The following RBM27 variants were observed in gnomAD, a reference collection of about 807,000 sequenced individuals.
RBM27 encodes RNA-binding protein 27.
In RBM27, 22 loss-of-function variants were observed where a neutral mutation model predicts 135.3. The ratio of observed to expected loss-of-function variants is 0.16; its 90% CI spans 0.12 to 0.23. The LOEUF is 0.23. Ranked by LOEUF, RBM27 falls within the 10% of genes least tolerant of loss-of-function variation. The probability of loss-of-function intolerance (pLI) is 1.00; values close to 1 mark genes in which losing one functional copy is unlikely to be tolerated. For missense variants in RBM27, 1,009 were observed against 1,281.0 expected (o/e 0.79, Z 3.24); for synonymous variants, 481 against 442.4 (o/e 1.09, Z -1.10).
intron 8 of RBM27, among the ~76,000 whole-genome samples, chr5:146,243,446 ATTAC>A (rs1757493954): frequency 6.6e-6 from 1 of 152,184 alleles, no homozygotes; most frequent in South Asian, 2.1e-4. Context: ...GCTCAAAGGA[ATTAC>A]TTACTCATTG....
rs538828772 is a variant in RBM27, at chr5:146,228,849, G to A, written c.304-97G>A. 10 of 825,864 alleles carry A rather than the reference G, an allele frequency of 1.2e-5. No individual in the cohort carries two copies. In the East Asian group the frequency reaches 2.4e-4, roughly 20 times the overall value. The allele number at this position is 825,864 out of a possible 1,614,324, so 51.2% of individuals were successfully genotyped here. ...GCTGGTCTCAATATCCTGGCCTCAA[G>A]CAGTCTTCCCACCTGGACCTCGTAA... On this transcript the variant is annotated intron_variant, in intron 3 of 20. Transcript: ENST00000265271.
At chr5:146,220,570 G>A (rs1181984264) in intron 2 of RBM27, among the ~76,000 whole-genome samples, 3 of 151,138 alleles carry the variant, frequency 2.0e-5, no homozygotes, top group Non-Finnish European at 4.4e-5. Context: ...AGTTGATTTA[G>A]CTATTGGTGA....
intron 15 of RBM27, 141 bp downstream of exon 15, chr5:146,267,909 T>C: frequency 1.1e-6 from 1 of 943,796 alleles, no homozygotes; most frequent in Non-Finnish European, 1.5e-6. Context: ...TAATGTAAAC[T>C]TGGAAAAAAA....
Position 146,255,219 on chromosome 5 carries a change from G to C in RBM27, c.1594+127G>C, listed in dbSNP as rs553250895. 3.7e-5 allele frequency: 28 copies of C among 752,442 alleles called. No individual in the cohort carries two copies. In the Middle Eastern group the frequency reaches 1.0e-3, roughly 27 times the overall value. 46.6% of individuals were successfully genotyped at this position (752,442 alleles called of 1,614,324 possible). On this transcript the variant is annotated intron_variant, in intron 10 of 20. Coordinates refer to ENST00000265271, the MANE Select transcript of RBM27 (RefSeq NM_018989.2). The stretch of plus-strand genomic sequence containing the variant: ...AAATTACTTATATATTATCTCTTTG[G>C]AGGGTGCTATGTATTAATCTCAGAT...
At position 146,260,757 on chromosome 5, in the gene RBM27, C is replaced by A; in HGVS notation, c.1752C>A (p.Asn584Lys). 6.2e-7 allele frequency: 1 copy of A among 1,604,162 alleles called. No homozygotes were observed. Among genetic ancestry groups the A allele is most frequent in the Non-Finnish European group, 8.5e-7 (1 of 1,176,914 alleles). ...KKPWLGKQGN[N>K]NQNKPGFLRK... Reference sequence around the variant, plus strand: ...ATCTTCCTTTTAGGCAAGGAAATAACAATCAAAATAAACCAGGGTTCTTAC... The same window carrying A: ...ATCTTCCTTTTAGGCAAGGAAATAAAAATCAAAATAAACCAGGGTTCTTAC... Residue 584 changes from asparagine to lysine, a missense_variant, in exon 12 of 21, where the codon AAC becomes AAA. Asn to Lys is a moderately conservative substitution (Grantham distance 94, BLOSUM62 0). Transcript: ENST00000265271.
intron 7 of RBM27, among the ~76,000 whole-genome samples, chr5:146,234,516 A>AC (rs1554079803): frequency 2.0e-4 from 1 of 4,910 alleles, no homozygotes; most frequent in Admixed American, 2.0e-3. Context: ...TGTTTTTGTT[A>AC]TTTAAAAAAA....
intron 1 of RBM27, among the ~76,000 whole-genome samples, chr5:146,212,269 T>G (rs1755995883): frequency 6.6e-6 from 1 of 152,168 alleles, no homozygotes; most frequent in South Asian, 2.1e-4. Flanking sequence ...TTGGCCAGGC[T>G]GGTCTTGAAC....
chr5:146,203,842 G>T lies in RBM27; in HGVS notation c.59+18G>T, dbSNP rs1245388010. On this transcript the variant is annotated intron_variant, in intron 1 of 20. Coordinates refer to ENST00000265271, the MANE Select transcript of RBM27 (RefSeq NM_018989.2). ...GAGCCGATGTGAGTGAGCCGGGCTG[G>T]GCCGGGGCCGGCGAACGTGGGCGTT... is the stretch of plus-strand genomic sequence containing the variant. 1 of 1,545,684 alleles carries T rather than the reference G, an allele frequency of 6.5e-7. No homozygotes were observed. The highest frequency in any genetic ancestry group is 1.4e-5 in the African/African-American group (1 of 72,620).
At chr5:146,257,346 G>T (rs904505307) in intron 10 of RBM27, among the ~76,000 whole-genome samples, 1 of 152,190 alleles carries the variant, frequency 6.6e-6, no homozygotes, top group African/African-American at 2.4e-5. Flanking sequence ...GTTATTTATT[G>T]TAAGGACAGA....
At chr5:146,247,778 A>T (rs1757695856) in intron 8 of RBM27, among the ~76,000 whole-genome samples, 2 of 152,142 alleles carry the variant, frequency 1.3e-5, no homozygotes, top group Admixed American at 6.5e-5. Context: ...AATGCTCATG[A>T]TGTCTGGTTG....
At position 146,249,633 on chromosome 5, in the gene RBM27, G is replaced by A. The variant is rs149083636; in HGVS notation, c.1280-2078G>A. Among the ~76,000 whole-genome samples, 15 of 140,022 alleles carry A rather than the reference G, an allele frequency of 1.1e-4. 1 individual carries two copies. The East Asian group carries it at 2.9e-3, about 27-fold the overall frequency. The allele number at this position is 140,022 out of a possible 152,430, so 91.9% of individuals were successfully genotyped here. On this transcript the variant is annotated intron_variant, in intron 8 of 20. Transcript: ENST00000265271. ...ACCTGGGAGGCAGAGGTCGCCGTGA[G>A]CCCAGATCATGCTACTGCAGCTCCA...
At chr5:146,263,739 T>C in intron 14 of RBM27, 108 bp downstream of exon 14, 1 of 1,289,028 alleles carries the variant, frequency 7.8e-7, no homozygotes, top group Non-Finnish European at 1.1e-6. Context: ...TTAACCTAAG[T>C]GTGGCAGGTA....
intron 8 of RBM27, among the ~76,000 whole-genome samples, chr5:146,250,770 C>CTTTTTTTTTTTTTTTTTTTTTTTT (rs58027855): frequency 9.6e-5 from 7 of 72,674 alleles, no homozygotes; most frequent in African/African-American, 1.1e-4. Flanking sequence ...TTTTTTTGTC[C>CTTTTTTTTTTTTTTTTTTTTTTTT]TTTTTTTTTT....
chr5:146,238,034 A>C (rs1216896389), intron 8 of RBM27, among the ~76,000 whole-genome samples: 1 of 152,144 alleles, frequency 6.6e-6, no homozygotes, highest in African/African-American at 2.4e-5. Context: ...AGCTTTTTAA[A>C]AAAATTGTTT....
chr5:146,232,485 CAGTT>C (rs1175737619), intron 6 of RBM27, among the ~76,000 whole-genome samples: 1 of 152,094 alleles, frequency 6.6e-6, no homozygotes, highest in African/African-American at 2.4e-5. Context: ...AATGTTTTTT[CAGTT>C]AGCAGTATTT....
At chr5:146,280,109 A>G (rs546897667) in intron 19 of RBM27, among the ~76,000 whole-genome samples, 1 of 151,202 alleles carries the variant, frequency 6.6e-6, no homozygotes, top group South Asian at 2.1e-4. Context: ...CCCAGGCCGG[A>G]GTGCAGTGGT....
At chr5:146,226,623 C>T (rs941256526) in intron 3 of RBM27, among the ~76,000 whole-genome samples, 2 of 151,730 alleles carry the variant, frequency 1.3e-5, no homozygotes, top group Non-Finnish European at 2.9e-5. Context: ...TCAGGTGATT[C>T]ACCTGCCTTG....
intron 8 of RBM27, among the ~76,000 whole-genome samples, chr5:146,240,583 T>C (rs1757365506): frequency 6.6e-6 from 1 of 152,188 alleles, no homozygotes; most frequent in Non-Finnish European, 1.5e-5. Context: ...TGCCTTGGCC[T>C]CTCAGAGTGC....
chr5:146,243,617 A>G (rs1019041142), intron 8 of RBM27, among the ~76,000 whole-genome samples: 2 of 152,248 alleles, frequency 1.3e-5, no homozygotes, highest in African/African-American at 4.8e-5. Context: ...TGGTAATTTC[A>G]AAAAGATTAG....
Sources: allele counts gnomAD v4.1 joint callset (sites outside exome capture counted in the v4.1 genomes callset), GRCh38; gene constraint gnomAD v4.1.1; transcripts MANE v1.5; gene names NCBI Gene and HGNC (gene_info 2026-07-23, HGNC 2026-07-21).